KITLG: variants seen among roughly 807,000 people sequenced by gnomAD.
KITLG encodes the protein KIT ligand.
Under a neutral mutation model 34.1 loss-of-function variants are expected in KITLG, and 13 were observed. The ratio of observed to expected loss-of-function variants is 0.38; its 90% CI spans 0.25 to 0.61. The LOEUF (loss-of-function observed/expected upper bound fraction) is 0.61. KITLG is among the 20% of genes least tolerant of loss of function. KITLG has a pLI of 0.60. For missense variants in KITLG, 292 were observed against 318.9 expected (o/e 0.92, Z 0.64); for synonymous variants, 110 against 104.0 (o/e 1.06, Z -0.35).
At chr12:88,569,470 T>C (rs1006302970) in intron 1 of KITLG, among the ~76,000 whole-genome samples, 2 of 152,192 alleles carry the variant, frequency 1.3e-5, no homozygotes, top group Non-Finnish European at 2.9e-5. Flanking sequence ...GAGCCATCAC[T>C]ATTGATAAGC....
intron 3 of KITLG, among the ~76,000 whole-genome samples, chr12:88,520,601 A>C (rs1197587860): frequency 6.6e-6 from 1 of 152,084 alleles, no homozygotes; most frequent in East Asian, 1.9e-4. Flanking sequence ...ACCAAAATCA[A>C]ATTCCTTGTT....
At chr12:88,575,420 C>T (rs1433630110) in intron 1 of KITLG, among the ~76,000 whole-genome samples, 3 of 152,114 alleles carry the variant, frequency 2.0e-5, no homozygotes, top group African/African-American at 7.2e-5. Context: ...ATCACTCCCC[C>T]ACCTCTTTTT....
At chr12:88,517,731 T>C (rs1253457801) in intron 4 of KITLG, among the ~76,000 whole-genome samples, 1 of 152,072 alleles carries the variant, frequency 6.6e-6, no homozygotes, top group Non-Finnish European at 1.5e-5. Flanking sequence ...TAGAAAATAA[T>C]ACAAAGATTA....
intron 1 of KITLG, among the ~76,000 whole-genome samples, chr12:88,568,742 T>A (rs1218739695): frequency 6.6e-6 from 1 of 152,120 alleles, no homozygotes; most frequent in Non-Finnish European, 1.5e-5. Context: ...TTTCTAATAG[T>A]ACAATTATTT....
intron 9 of KITLG, among the ~76,000 whole-genome samples, chr12:88,498,838 C>CA (rs143318242): frequency 0.013 from 1,968 of 152,262 alleles, 57 homozygotes; most frequent in East Asian, 0.09. Flanking sequence ...CACGCCACTG[C>CA]ACTCCAGCCT....
intron 1 of KITLG, among the ~76,000 whole-genome samples, chr12:88,561,308 A>G (rs995490173): frequency 6.6e-6 from 1 of 152,344 alleles, no homozygotes; most frequent in African/African-American, 2.4e-5. Context: ...ATTGCTGTCT[A>G]GAACAAGCAT....
chr12:88,571,774 C>T (rs894531813), intron 1 of KITLG, among the ~76,000 whole-genome samples: 4 of 152,106 alleles, frequency 2.6e-5, no homozygotes, highest in Admixed American at 2.6e-4. Context: ...ATCTGAGTTG[C>T]ATTTGTTTTT....
chr12:88,546,005 A>G, intron 1 of KITLG, 140 bp from the exon 2 acceptor site: 1 of 737,754 alleles, frequency 1.4e-6, no homozygotes, highest in Non-Finnish European at 2.5e-6. Flanking sequence ...AATATTACGC[A>G]TTCAAGCTAT....
At chr12:88,552,653 C>T (rs1010897761) in intron 1 of KITLG, among the ~76,000 whole-genome samples, 8 of 151,884 alleles carry the variant, frequency 5.3e-5, no homozygotes, top group South Asian at 2.1e-4. Context: ...ATTATTGGCC[C>T]GCACCCTTTA....
chr12:88,548,386 G>A (rs917432440), intron 1 of KITLG, among the ~76,000 whole-genome samples: 12 of 151,936 alleles, frequency 7.9e-5, no homozygotes, highest in African/African-American at 1.5e-4. Context: ...CCCGTGAGGC[G>A]GAGGTTGCAG....
chr12:88,547,827 G>A lies in KITLG; in HGVS notation c.16-1962C>T, dbSNP rs150278671. On this transcript the variant is annotated intron_variant, in intron 1 of 9. Coordinates refer to ENST00000644744, the MANE Select transcript of KITLG (RefSeq NM_000899.5). ...TTGAATAAATACTAAAGAAACGTTT[G>A]TTTTCTCATTCATCTAACAAGTATT... 4.2e-3 allele frequency among the ~76,000 whole-genome samples: 646 copies of A among 152,258 alleles called. 3 individuals are homozygous for A. Among genetic ancestry groups the A allele is most frequent in the Middle Eastern group, 0.017 (5 of 294 alleles).
intron 1 of KITLG, among the ~76,000 whole-genome samples, chr12:88,547,355 T>A (rs1047172493): frequency 1.3e-5 from 2 of 152,238 alleles, no homozygotes; most frequent in East Asian, 1.9e-4. Flanking sequence ...GAAATCCTTT[T>A]ATTCCCTTAC....
chr12:88,538,429 T>G (rs1870406501), intron 2 of KITLG, among the ~76,000 whole-genome samples: 1 of 151,468 alleles, frequency 6.6e-6, no homozygotes, highest in Non-Finnish European at 1.5e-5. Context: ...GAGGGCAAAC[T>G]AGATAATTTC....
intron 8 of KITLG, 87 bp from the exon 9 acceptor site, chr12:88,505,322 T>G (rs751697412): frequency 2.2e-4 from 231 of 1,031,758 alleles, no homozygotes; most frequent in Non-Finnish European, 3.0e-4. Flanking sequence ...AAAGGCAGCT[T>G]TTCTGTAAAT....
chr12:88,519,548 G>C (rs1869582072), intron 3 of KITLG, among the ~76,000 whole-genome samples: 1 of 151,952 alleles, frequency 6.6e-6, no homozygotes, highest in Non-Finnish European at 1.5e-5. Flanking sequence ...AAACTACTAA[G>C]CTTTATTTCT....
intron 2 of KITLG, among the ~76,000 whole-genome samples, chr12:88,543,494 C>G (rs1167069425): frequency 6.6e-6 from 1 of 152,014 alleles, no homozygotes; most frequent in Admixed American, 6.6e-5. Flanking sequence ...GTGAAATTTT[C>G]TTTATCCAGT....
At chr12:88,556,374 A>G (rs1001979720) in intron 1 of KITLG, among the ~76,000 whole-genome samples, 1 of 152,214 alleles carries the variant, frequency 6.6e-6, no homozygotes, top group African/African-American at 2.4e-5. Flanking sequence ...ATCAGGCATC[A>G]GAATGAAGGA....
At chr12:88,530,025 T>C (rs934422588) in intron 3 of KITLG, among the ~76,000 whole-genome samples, 17 of 152,330 alleles carry the variant, frequency 1.1e-4, no homozygotes, top group African/African-American at 2.9e-4. Context: ...CAAGCCGACA[T>C]TGAAATCTAT....
Position 88,501,000 on chromosome 12 carries a change from G to A in KITLG, c.*38-3819C>T, listed in dbSNP as rs113845156. 1.6e-3 allele frequency among the ~76,000 whole-genome samples: 246 copies of A among 152,060 alleles called. 4 individuals carry two copies. Among genetic ancestry groups the A allele is most frequent in the African/African-American group, 5.6e-3 (231 of 41,512 alleles). ...TTCCTATGTTTCCCAGGCTGGTCTC[G>A]AACTCCTGGGCTCAAGTGATCCTCC... On this transcript the variant is annotated intron_variant, in intron 9 of 9. Transcript: ENST00000644744.
Sources: allele counts gnomAD v4.1 joint callset (sites outside exome capture counted in the v4.1 genomes callset), GRCh38; gene constraint gnomAD v4.1.1; transcripts MANE v1.5; gene names NCBI Gene and HGNC (gene_info 2026-07-23, HGNC 2026-07-21).